ASIC2: variants seen among roughly 807,000 people sequenced by gnomAD.
ASIC2 encodes the protein acid sensing ion channel subunit 2, also known as acid-sensing ion channel 2.
A neutral mutation model predicts 57.3 loss-of-function variants in ASIC2; 25 were observed. The observed-to-expected ratio is 0.44, with a 90% CI of 0.32 to 0.61. The LOEUF is 0.61. Among genes scored for constraint, ASIC2 ranks in the 20% least tolerant of loss-of-function variants. The probability of loss-of-function intolerance (pLI) is 0.06; values close to 1 mark genes in which losing one functional copy is unlikely to be tolerated. For missense variants in ASIC2, 641 were observed against 738.1 expected (o/e 0.87, Z 1.52); for synonymous variants, 319 against 307.5 (o/e 1.04, Z -0.39).
intron 1 of ASIC2, among the ~76,000 whole-genome samples, chr17:33,199,192 C>T (rs975538050): frequency 1.3e-5 from 2 of 152,086 alleles, no homozygotes; most frequent in African/African-American, 4.8e-5. Flanking sequence ...TAATAAAAGC[C>T]CTTGTGATGG....
chr17:34,134,411 G>A (rs1567834287), intron 1 of ASIC2, among the ~76,000 whole-genome samples: 3 of 152,106 alleles, frequency 2.0e-5, no homozygotes, highest in Non-Finnish European at 4.4e-5. Flanking sequence ...AAGTCCATCC[G>A]GGCAAGTTAG....
chr17:33,962,886 C>G (rs1206817278), intron 1 of ASIC2, among the ~76,000 whole-genome samples: 1 of 152,092 alleles, frequency 6.6e-6, no homozygotes, highest in Non-Finnish European at 1.5e-5. Flanking sequence ...AAGCTACCTC[C>G]TACAGGAAGC....
At chr17:33,725,249 G>A (rs1010078023) in intron 1 of ASIC2, among the ~76,000 whole-genome samples, 1 of 152,262 alleles carries the variant, frequency 6.6e-6, no homozygotes, top group African/African-American at 2.4e-5. Flanking sequence ...CATCATTAGA[G>A]AGCTGGGGAA....
At chr17:34,132,174 T>C (rs772720064) in intron 1 of ASIC2, among the ~76,000 whole-genome samples, 2 of 152,188 alleles carry the variant, frequency 1.3e-5, no homozygotes, top group Non-Finnish European at 2.9e-5. Flanking sequence ...TTTAACTTCC[T>C]TGAGTTTGAA....
intron 1 of ASIC2, among the ~76,000 whole-genome samples, chr17:33,598,764 G>T (rs1403168477): frequency 6.6e-6 from 1 of 152,160 alleles, no homozygotes. Context: ...TAAGACATTG[G>T]TGCCTCCAGG....
chr17:33,151,205 G>GCA lies in ASIC2; in HGVS notation c.709-39140_709-39139dup, dbSNP rs796468433. Reference sequence around the variant, plus strand: ...CGCACACACACACACACACACGCGCGCACACACACACACACACAATTAGCC... The same window carrying GCA: ...CGCACACACACACACACACACGCGCGCACACACACACACACACACAATTAGCC... On this transcript the variant is annotated intron_variant, in intron 1 of 9. Coordinates refer to ENST00000225823, the MANE Select transcript of ASIC2 (RefSeq NM_183377.2). Among the ~76,000 whole-genome samples, 259 of 145,956 alleles carry GCA rather than the reference G, an allele frequency of 1.8e-3. 1 individual carries two copies. Among genetic ancestry groups the GCA allele is most frequent in the African/African-American group, 4.4e-3 (174 of 39,238 alleles).
intron 1 of ASIC2, among the ~76,000 whole-genome samples, chr17:33,966,997 C>T (rs1905093737): frequency 6.6e-6 from 1 of 152,068 alleles, no homozygotes; most frequent in Non-Finnish European, 1.5e-5. Flanking sequence ...CCACAGTGGT[C>T]CCAGTGACAC....
chr17:33,717,925 GTAAGCTGAT>G (rs961993478), intron 1 of ASIC2, among the ~76,000 whole-genome samples: 46 of 152,312 alleles, frequency 3.0e-4, no homozygotes, highest in African/African-American at 9.6e-4. Flanking sequence ...ATCGTAGGGA[GTAAGCTGAT>G]TAAAAATAAT....
intron 3 of ASIC2, among the ~76,000 whole-genome samples, chr17:33,038,066 C>T (rs1053409032): frequency 6.6e-6 from 1 of 152,164 alleles, no homozygotes; most frequent in Non-Finnish European, 1.5e-5. Context: ...CATGCAGAAC[C>T]TCGAACTCCT....
At chr17:33,928,867 C>T (rs1243235975) in intron 1 of ASIC2, among the ~76,000 whole-genome samples, 1 of 152,076 alleles carries the variant, frequency 6.6e-6, no homozygotes, top group South Asian at 2.1e-4. Context: ...GTAGTAGAAG[C>T]CTGAAAGTCT....
chr17:33,904,329 T>C (rs1263517128), intron 1 of ASIC2, among the ~76,000 whole-genome samples: 2 of 152,102 alleles, frequency 1.3e-5, no homozygotes, highest in African/African-American at 4.8e-5. Flanking sequence ...AATCAGGAGC[T>C]ACAATGTAAC....
chr17:33,236,523 T>C (rs1277165113), intron 1 of ASIC2, among the ~76,000 whole-genome samples: 1 of 151,944 alleles, frequency 6.6e-6, no homozygotes, highest in African/African-American at 2.4e-5. Flanking sequence ...TTTGTTTTTG[T>C]AGGCATGAGG....
chr17:34,018,096 A>T (rs1404441993), intron 1 of ASIC2, among the ~76,000 whole-genome samples: 1 of 152,218 alleles, frequency 6.6e-6, no homozygotes, highest in Non-Finnish European at 1.5e-5. Context: ...CAAAGCTTCA[A>T]TGAACAGGCT....
At chr17:33,141,895 C>T (rs1904327139) in intron 1 of ASIC2, among the ~76,000 whole-genome samples, 1 of 152,190 alleles carries the variant, frequency 6.6e-6, no homozygotes, top group Admixed American at 6.5e-5. Flanking sequence ...TGTAACTATA[C>T]AGGGTGTCCA....
intron 1 of ASIC2, among the ~76,000 whole-genome samples, chr17:33,507,738 C>G (rs1420925812): frequency 1.3e-5 from 2 of 152,138 alleles, no homozygotes; most frequent in Non-Finnish European, 2.9e-5. Context: ...CCCATCTCTA[C>G]TAAAAATACA....
rs1342769948 is a variant in ASIC2 at position 33,136,040 on chromosome 17, T to C, written c.709-23973A>G. On this transcript the variant is annotated intron_variant, in intron 1 of 9. Transcript: ENST00000225823. ...CTCTGGATCCCATCCAAGAGATTCA[T>C]GTCAGTGGGCGTAATGTTCATGTCC... Among the ~76,000 whole-genome samples the C allele has an allele frequency of 2.0e-5, 3 of 152,232 alleles. No individual in the cohort carries two copies. The East Asian group carries it at 5.8e-4, about 29-fold the overall frequency.
intron 1 of ASIC2, among the ~76,000 whole-genome samples, chr17:33,125,418 G>A (rs1027704721): frequency 4.6e-5 from 7 of 152,162 alleles, no homozygotes; most frequent in Non-Finnish European, 1.0e-4. Context: ...AGGGGAGTGT[G>A]GTTTTCATTG....
At chr17:34,076,152 G>A (rs924763294) in intron 1 of ASIC2, among the ~76,000 whole-genome samples, 7 of 151,954 alleles carry the variant, frequency 4.6e-5, no homozygotes, top group South Asian at 2.1e-4. Context: ...ACAGGTGCCT[G>A]CCACCATGCC....
chr17:33,746,325 C>T (rs1279253616), intron 1 of ASIC2, among the ~76,000 whole-genome samples: 4 of 146,430 alleles, frequency 2.7e-5, no homozygotes, highest in African/African-American at 1.0e-4. Context: ...CACATATATA[C>T]ATATATGTAT....
Sources: allele counts gnomAD v4.1 joint callset (sites outside exome capture counted in the v4.1 genomes callset), GRCh38; gene constraint gnomAD v4.1.1; transcripts MANE v1.5; gene names NCBI Gene and HGNC (gene_info 2026-07-23, HGNC 2026-07-21).